The following PIK3R6 variants were observed in gnomAD, a reference collection of about 807,000 sequenced individuals.
PIK3R6 encodes phosphoinositide-3-kinase regulatory subunit 6.
Under a neutral mutation model 84.9 loss-of-function variants are expected in PIK3R6, and 91 were observed. That is an observed-to-expected ratio of 1.07 (90% CI 0.90 to 1.28). The LOEUF (loss-of-function observed/expected upper bound fraction) is 1.28, where lower values mean the gene tolerates loss of function less well. Among genes scored for constraint, PIK3R6 ranks in the 50% most tolerant of loss-of-function variants. The pLI is 0.00. For missense variants in PIK3R6, 996 were observed against 985.1 expected (o/e 1.01, Z -0.15); for synonymous variants, 416 against 411.4 (o/e 1.01, Z -0.13).
In PIK3R6 at chr17:8,863,826, G is replaced by A. The variant is rs555510178; in HGVS notation, c.-92+3703C>T. On this transcript the variant is annotated intron_variant, in intron 1 of 19. Transcript: ENST00000619866. ...GGGGATTACAGGCGTGAGCCACCGCGCCCGGCCAGTTTCCAAAAGGATGAT... is the reference window on the plus strand; with the variant it reads ...GGGGATTACAGGCGTGAGCCACCGCACCCGGCCAGTTTCCAAAAGGATGAT... Among the ~76,000 whole-genome samples, 14 of 152,272 alleles carry A rather than the reference G, an allele frequency of 9.2e-5. No homozygotes were observed. The East Asian group carries it at 2.1e-3, about 23-fold the overall frequency.
intron 1 of PIK3R6, among the ~76,000 whole-genome samples, chr17:8,854,965 G>A (rs2089086164): frequency 6.6e-6 from 1 of 152,200 alleles, no homozygotes; most frequent in African/African-American, 2.4e-5. Context: ...GGCCAAGGTG[G>A]GTGGATCACC....
At chr17:8,833,245 T>G (rs1033752400) in intron 8 of PIK3R6, among the ~76,000 whole-genome samples, 200 bp from the exon 9 acceptor site, 2 of 152,238 alleles carry the variant, frequency 1.3e-5, no homozygotes. Flanking sequence ...GGTTCCCCTC[T>G]GCCCCTCACA....
chr17:8,836,959 G>A, intron 5 of PIK3R6, 36 bp from the exon 6 acceptor site: 1 of 1,444,154 alleles, frequency 6.9e-7, no homozygotes, highest in Non-Finnish European at 9.5e-7. Flanking sequence ...TGAGAGGGAG[G>A]AGGTGGAGGT....
intron 17 of PIK3R6, among the ~76,000 whole-genome samples, chr17:8,820,385 C>A (rs1201723573): frequency 2.0e-5 from 3 of 151,146 alleles, no homozygotes; most frequent in African/African-American, 7.3e-5. Context: ...TCTATGCACA[C>A]AAATTAGTAG....
At chr17:8,861,754 T>C (rs1029947760) in intron 1 of PIK3R6, among the ~76,000 whole-genome samples, 2 of 152,202 alleles carry the variant, frequency 1.3e-5, no homozygotes, top group African/African-American at 2.4e-5. Flanking sequence ...AATTGAGATA[T>C]GCCAAGGGGA....
Position 8,844,181 on chromosome 17 carries a change from C to G in PIK3R6, c.14-4484G>C, listed in dbSNP as rs1355228932. 6.6e-6 allele frequency among the ~76,000 whole-genome samples: 1 copy of G among 152,194 alleles called. No individual in the cohort carries two copies. Among genetic ancestry groups the G allele is most frequent in the African/African-American group, 2.4e-5 (1 of 41,438 alleles). Reference sequence around the variant, plus strand: ...CTCCTGAGCCATCTTCACCAGAGCACGAGAATGTCCCTCAAGGCAGGCTCT... The same window carrying G: ...CTCCTGAGCCATCTTCACCAGAGCAGGAGAATGTCCCTCAAGGCAGGCTCT... On this transcript the variant is annotated intron_variant, in intron 2 of 19. Transcript: ENST00000619866. This position sits in a 1 kb window ranked among gnomAD's most constrained non-coding sequence, Gnocchi z 4.5.
chr17:8,821,910 C>G lies in PIK3R6; in HGVS notation c.1815G>C (p.Glu605Asp), dbSNP rs549668313. Residue 605 changes from glutamate (E) to aspartate (D), a missense_variant, in exon 17 of 20, where the codon GAG becomes GAC. Coordinates refer to ENST00000619866, the MANE Select transcript of PIK3R6 (RefSeq NM_001010855.4). Reference sequence around the variant, plus strand: ...CAGTGGCCCGCAGGGAAACGGTGACCTCTCGGGGCCGGTGGCTAAGCAAGG... The same window carrying G: ...CAGTGGCCCGCAGGGAAACGGTGACGTCTCGGGGCCGGTGGCTAAGCAAGG... ...QKALLSHRPR[E>D]VTVSLRATGL... 1 of 1,590,314 alleles carries G rather than the reference C, an allele frequency of 6.3e-7. No homozygotes were observed. Among genetic ancestry groups the G allele is most frequent in the African/African-American group, 1.3e-5 (1 of 74,638 alleles).
intron 18 of PIK3R6, among the ~76,000 whole-genome samples, chr17:8,817,541 C>G (rs553991403): frequency 3.3e-5 from 5 of 152,188 alleles, no homozygotes; most frequent in Non-Finnish European, 7.4e-5. Flanking sequence ...ACTCAGGAGG[C>G]TGAAGCAGGA....
chr17:8,828,169 G>A lies in PIK3R6; in HGVS notation c.1335C>T (p.Phe445=), dbSNP rs166435. The stretch of plus-strand genomic sequence containing the variant: ...GCAGGCTGAGTCTGGGAGTGAGGCA[G>A]AACTTCTGGGTCTCCCGTTTCCTAG... ...HRLRKRETQK[F]CLTPRLSLQL... The change falls in exon 12 of 20, where the codon TTC becomes TTT. Residue 445 remains phenylalanine, a synonymous_variant. Transcript: ENST00000619866. 1.2e-6 allele frequency: 2 copies of A among 1,613,992 alleles called. No individual in the cohort carries two copies. Among genetic ancestry groups the A allele is most frequent in the Non-Finnish European group, 1.7e-6 (2 of 1,179,868 alleles).
intron 7 of PIK3R6, among the ~76,000 whole-genome samples, chr17:8,835,767 G>GCATCTCA (rs2088435720): frequency 2.0e-5 from 3 of 152,116 alleles, no homozygotes; most frequent in African/African-American, 7.2e-5. Context: ...TCCTGGCCCA[G>GCATCTCA]GGACCAGGTC....
At chr17:8,819,637 TTTTAC>T (rs2087652339) in intron 17 of PIK3R6, among the ~76,000 whole-genome samples, 1 of 149,808 alleles carries the variant, frequency 6.7e-6, no homozygotes, top group Non-Finnish European at 1.5e-5. Flanking sequence ...TCAAGGTTTC[TTTTAC>T]TTTCTTTTTT....
intron 1 of PIK3R6, among the ~76,000 whole-genome samples, chr17:8,852,594 C>A (rs1163126715): frequency 6.6e-6 from 1 of 152,010 alleles, no homozygotes; most frequent in African/African-American, 2.4e-5. Flanking sequence ...AAAAAATTAG[C>A]CAGGTGTGGT....
rs368238618 is a variant in PIK3R6 at position 8,839,654 on chromosome 17, C to T, written c.57G>A (p.Arg19=). The change falls in exon 3 of 20, where the codon CGG becomes CGA. Residue 19 remains arginine, a synonymous_variant. Transcript: ENST00000619866. This position sits in a 1 kb window ranked among gnomAD's most constrained non-coding sequence, Gnocchi z 4.2. ...GGGCAGGGGCCTGGGTGCTGAGCTC[C>T]CGGAGCACAGCCTGCACGCTCCTCT... ...DLQRSVQAVL[R]ELSTQAPALQ... 10 of 1,580,770 alleles carry T rather than the reference C, an allele frequency of 6.3e-6. No homozygotes were observed. The highest frequency in any genetic ancestry group is 8.6e-6 in the Non-Finnish European group (10 of 1,163,128).
chr17:8,822,253 G>T (rs1161584856), intron 16 of PIK3R6, among the ~76,000 whole-genome samples: 2 of 152,048 alleles, frequency 1.3e-5, no homozygotes, highest in Admixed American at 1.3e-4. Flanking sequence ...AGCACTTCTA[G>T]TCCTAGAGAG....
chr17:8,823,541 CA>C, intron 13 of PIK3R6, 44 bp from the exon 14 acceptor site: 1 of 1,374,528 alleles, frequency 7.3e-7, no homozygotes, highest in Non-Finnish European at 1.0e-6. Context: ...CCCCCAAGGC[CA>C]CTGTGGGAGA....
At chr17:8,828,304 C>A in intron 11 of PIK3R6, 114 bp from the exon 12 acceptor site, 3 of 1,140,276 alleles carry the variant, frequency 2.6e-6, no homozygotes, top group South Asian at 1.4e-5. Context: ...TCTTTCTGAG[C>A]CTCTGCTTTC....
chr17:8,819,996 G>A (rs2151203750), intron 17 of PIK3R6, among the ~76,000 whole-genome samples: 1 of 148,490 alleles, frequency 6.7e-6, no homozygotes, highest in East Asian at 2.0e-4. Flanking sequence ...TGCCCAGGCT[G>A]TAGTGCAGTG....
chr17:8,841,255 C>G (rs1450204672), intron 2 of PIK3R6, among the ~76,000 whole-genome samples: 2 of 152,128 alleles, frequency 1.3e-5, no homozygotes, highest in East Asian at 3.9e-4. Context: ...AAGACTCTCT[C>G]CTTGACCAAA....
chr17:8,823,021 C>T lies in PIK3R6; in HGVS notation c.1692G>A (p.Lys564=). The part of the protein sequence containing the change: ...EDIFLIELKV[K]IQDSKFPKDG... ...CTTTGGGGAATTTAGAATCTTGGAT[C>T]TTCACCTTCAGTTCAATGAGGAAAA... is the stretch of plus-strand genomic sequence containing the variant. Residue 564 remains lysine (K), a synonymous_variant, in exon 15 of 20, where the codon AAG becomes AAA. Transcript: ENST00000619866. The T allele has an allele frequency of 4.3e-6, 7 of 1,610,044 alleles. No individual in the cohort carries two copies. Among genetic ancestry groups the T allele is most frequent in the Non-Finnish European group, 6.0e-6 (7 of 1,176,338 alleles).
Sources: allele counts gnomAD v4.1 joint callset (sites outside exome capture counted in the v4.1 genomes callset), GRCh38; gene constraint gnomAD v4.1.1; non-coding constraint Gnocchi (gnomAD v3.1); transcripts MANE v1.5; gene names NCBI Gene and HGNC (gene_info 2026-07-23, HGNC 2026-07-21).